ITGBL1: variants seen among roughly 807,000 people sequenced by gnomAD.
ITGBL1 encodes integrin subunit beta like 1, also known as integrin beta-like protein 1.
In ITGBL1, 51 loss-of-function variants were observed where a neutral mutation model predicts 68.5. That is an observed-to-expected ratio of 0.74 (90% CI 0.59 to 0.94). ITGBL1 has a LOEUF of 0.94. Ranked by LOEUF, ITGBL1 falls within the 40% of genes least tolerant of loss-of-function variation. The pLI, the probability that ITGBL1 is intolerant of heterozygous loss-of-function variation, is 0.00. For synonymous variants in ITGBL1, 209 were observed against 227.3 expected (o/e 0.92, Z 0.72); for missense variants, 649 against 647.4 (o/e 1.00, Z -0.03).
At chr13:101,585,492 A>G (rs973005422) in intron 6 of ITGBL1, among the ~76,000 whole-genome samples, 23 of 152,164 alleles carry the variant, frequency 1.5e-4, no homozygotes, top group African/African-American at 5.3e-4. Flanking sequence ...GTGCAGTGGC[A>G]TGATCTCAGC....
At chr13:101,572,780 G>A (rs1031122690) in intron 3 of ITGBL1, among the ~76,000 whole-genome samples, 2 of 152,054 alleles carry the variant, frequency 1.3e-5, no homozygotes, top group African/African-American at 4.8e-5. Flanking sequence ...ACTTCAGTGA[G>A]GAGTCATAGA....
chr13:101,648,998 T>C (rs915120644), intron 7 of ITGBL1, among the ~76,000 whole-genome samples: 1 of 152,160 alleles, frequency 6.6e-6, no homozygotes, highest in African/African-American at 2.4e-5. Flanking sequence ...ACTAGGAATA[T>C]GAGACATCTA....
intron 8 of ITGBL1, among the ~76,000 whole-genome samples, chr13:101,695,433 T>C (rs2139562935): frequency 6.6e-6 from 1 of 152,162 alleles, no homozygotes; most frequent in South Asian, 2.1e-4. Context: ...TGTAAACATG[T>C]TAATAACTTG....
intron 2 of ITGBL1, among the ~76,000 whole-genome samples, chr13:101,495,391 C>G (rs9513906): frequency 0.058 from 8,830 of 152,178 alleles, 293 homozygotes; most frequent in East Asian, 0.17. Flanking sequence ...CAGACAGACA[C>G]ACGGTCAACC....
intron 4 of ITGBL1, among the ~76,000 whole-genome samples, chr13:101,575,998 C>T (rs2050352770): frequency 6.6e-6 from 1 of 152,180 alleles, no homozygotes; most frequent in Non-Finnish European, 1.5e-5. Context: ...TGTCCCTAAA[C>T]ACTTAAATAA....
rs570558566 is a variant in ITGBL1 at position 101,483,724 on chromosome 13, A to G, written c.316+29624A>G. Among the ~76,000 whole-genome samples the G allele has an allele frequency of 2.0e-5, 3 of 152,288 alleles. No individual in the cohort carries two copies. In the East Asian group the frequency reaches 5.8e-4, roughly 29 times the overall value. ...TAAAATTCAATTTTTTTCCTTCTTAATATAAAAATTGTCCTTATTTTACTA... is the reference window on the plus strand; with the variant it reads ...TAAAATTCAATTTTTTTCCTTCTTAGTATAAAAATTGTCCTTATTTTACTA... On this transcript the variant is annotated intron_variant, in intron 2 of 10. Transcript: ENST00000376180.
At position 101,474,103 on chromosome 13, in the gene ITGBL1, A is replaced by G. The variant is rs143043482; in HGVS notation, c.316+20003A>G. 2.9e-3 allele frequency among the ~76,000 whole-genome samples: 441 copies of G among 152,300 alleles called. 6 individuals are homozygous for G. The highest frequency in any genetic ancestry group is 0.015 in the South Asian group (70 of 4,822). On this transcript the variant is annotated intron_variant, in intron 2 of 10. Coordinates refer to ENST00000376180, the MANE Select transcript of ITGBL1 (RefSeq NM_004791.3). ...GACTTTGTCTTACAGCTTGGGCAAC[A>G]GCTTGGCCCAGTGGGTTAGAGGATC...
intron 7 of ITGBL1, among the ~76,000 whole-genome samples, chr13:101,601,378 A>G (rs558241111): frequency 4.6e-5 from 7 of 152,234 alleles, no homozygotes; most frequent in Non-Finnish European, 1.0e-4. Context: ...GAACTTTTCA[A>G]AAAACCAGCT....
intron 6 of ITGBL1, among the ~76,000 whole-genome samples, chr13:101,596,294 T>C (rs897634802): frequency 3.3e-5 from 5 of 152,044 alleles, no homozygotes; most frequent in African/African-American, 1.2e-4. Context: ...GTAGGAGAAA[T>C]GGGGAGACTT....
intron 2 of ITGBL1, among the ~76,000 whole-genome samples, chr13:101,527,209 A>G (rs1466899789): frequency 6.6e-6 from 1 of 152,140 alleles, no homozygotes; most frequent in Non-Finnish European, 1.5e-5. Flanking sequence ...ATACAAAACA[A>G]TATCATCATC....
chr13:101,497,858 A>AT (rs2048879255), intron 2 of ITGBL1, among the ~76,000 whole-genome samples: 1 of 122,664 alleles, frequency 8.2e-6, no homozygotes, highest in South Asian at 2.4e-4. Context: ...TTAAGCTGAT[A>AT]ATTTTTTTTT....
At chr13:101,604,883 T>TACAC (rs1444965646) in intron 7 of ITGBL1, among the ~76,000 whole-genome samples, 172 of 12,950 alleles carry the variant, frequency 0.013, 4 homozygotes, top group East Asian at 0.077. Flanking sequence ...TATATATATA[T>TACAC]ATATACACAC....
At chr13:101,457,033 C>A (rs565741391) in intron 2 of ITGBL1, among the ~76,000 whole-genome samples, 14 of 152,276 alleles carry the variant, frequency 9.2e-5, no homozygotes, top group African/African-American at 3.1e-4. Context: ...ATTTCTTCAT[C>A]TGTAAAATGG....
intron 7 of ITGBL1, among the ~76,000 whole-genome samples, chr13:101,604,887 T>TATGTATATATATATATATACAC: frequency 9.0e-5 from 2 of 22,164 alleles, no homozygotes; most frequent in Non-Finnish European, 1.6e-4. Context: ...TATATATATA[T>TATGTATATATATATATATACAC]ACACACACAC....
At chr13:101,641,717 C>A (rs2032379727) in intron 7 of ITGBL1, among the ~76,000 whole-genome samples, 1 of 145,962 alleles carries the variant, frequency 6.9e-6, no homozygotes, top group Non-Finnish European at 1.5e-5. Flanking sequence ...TCCCCCTCCC[C>A]CGACCCCACA....
intron 7 of ITGBL1, among the ~76,000 whole-genome samples, chr13:101,620,200 G>A (rs7338172): frequency 0.79 from 120,816 of 152,072 alleles, 48,055 homozygotes; most frequent in East Asian, 0.86. Context: ...TTTGTCTAAC[G>A]TAGATAAGTA....
At chr13:101,664,815 C>T (rs977352065) in intron 7 of ITGBL1, among the ~76,000 whole-genome samples, 2 of 152,200 alleles carry the variant, frequency 1.3e-5, no homozygotes, top group African/African-American at 2.4e-5. Context: ...CTCACTGCAA[C>T]CTCTGCTTTC....
At chr13:101,559,460 A>T (rs374045955) in intron 2 of ITGBL1, among the ~76,000 whole-genome samples, 4 of 152,208 alleles carry the variant, frequency 2.6e-5, no homozygotes, top group African/African-American at 9.7e-5. Context: ...TAAATCGTGA[A>T]GTTCAATAAT....
At chr13:101,543,302 C>A (rs1232924448) in intron 2 of ITGBL1, among the ~76,000 whole-genome samples, 1 of 152,096 alleles carries the variant, frequency 6.6e-6, no homozygotes, top group Non-Finnish European at 1.5e-5. Flanking sequence ...GATTTTATTT[C>A]TCCTTCACTT....
Sources: gnomAD v4.1 joint callset for allele counts (sites outside exome capture counted in the v4.1 genomes callset) on GRCh38, gnomAD v4.1.1 for gene constraint, MANE v1.5 for transcripts, NCBI Gene and HGNC (gene_info 2026-07-23, HGNC 2026-07-21) for gene names.